The following NKAIN2 variants were observed in gnomAD, a reference collection of about 807,000 sequenced individuals.
NKAIN2 encodes the protein sodium/potassium transporting ATPase interacting 2.
In NKAIN2, 14 loss-of-function variants were observed where a neutral mutation model predicts 32.6. The ratio of observed to expected loss-of-function variants is 0.43; its 90% CI spans 0.28 to 0.67. The LOEUF (loss-of-function observed/expected upper bound fraction) is 0.67. NKAIN2 is among the 30% of genes least tolerant of loss of function. NKAIN2 has a pLI of 0.17. For synonymous variants in NKAIN2, 80 were observed against 87.2 expected (o/e 0.92, Z 0.46); for missense variants, 198 against 258.3 (o/e 0.77, Z 1.60).
intron 1 of NKAIN2, among the ~76,000 whole-genome samples, chr6:123,848,808 A>G (rs1271187071): frequency 6.6e-6 from 1 of 152,190 alleles, no homozygotes; most frequent in East Asian, 1.9e-4. Flanking sequence ...TCTCTTTAAT[A>G]TATTTCATAC....
At chr6:124,735,218 C>T (rs958924968) in intron 4 of NKAIN2, among the ~76,000 whole-genome samples, 10 of 151,948 alleles carry the variant, frequency 6.6e-5, no homozygotes, top group African/African-American at 2.4e-4. Context: ...TCTACTCTCT[C>T]ACCTCTGTAG....
chr6:124,212,905 G>A (rs2114666795), intron 1 of NKAIN2, among the ~76,000 whole-genome samples: 1 of 152,190 alleles, frequency 6.6e-6, no homozygotes, highest in East Asian at 1.9e-4. Flanking sequence ...GGAATGAAGA[G>A]CACAAAAATC....
intron 1 of NKAIN2, among the ~76,000 whole-genome samples, chr6:124,229,821 A>C (rs1359063254): frequency 6.6e-6 from 1 of 152,174 alleles, no homozygotes; most frequent in East Asian, 1.9e-4. Flanking sequence ...CCTCCCAGCC[A>C]CGTGGAACTG....
At chr6:124,437,872 A>ATTTTTTT (rs374033234) in intron 3 of NKAIN2, 30 of 344,322 alleles carry the variant, frequency 8.7e-5, no homozygotes, top group East Asian at 2.7e-4. Flanking sequence ...TGATCTATTG[A>ATTTTTTT]TTTTTTTTTT....
At chr6:123,968,929 A>C (rs1778211460) in intron 1 of NKAIN2, among the ~76,000 whole-genome samples, 1 of 151,782 alleles carries the variant, frequency 6.6e-6, no homozygotes, top group South Asian at 2.1e-4. Context: ...GCTGGCCTGG[A>C]CCCCCTCCTC....
chr6:124,099,200 TG>T (rs1442771871), intron 1 of NKAIN2, among the ~76,000 whole-genome samples: 1 of 152,180 alleles, frequency 6.6e-6, no homozygotes, highest in African/African-American at 2.4e-5. Flanking sequence ...GATAATTGGT[TG>T]ATTATCTAAT....
intron 3 of NKAIN2, among the ~76,000 whole-genome samples, chr6:124,520,561 G>C (rs1375474029): frequency 6.6e-6 from 1 of 152,166 alleles, no homozygotes; most frequent in Non-Finnish European, 1.5e-5. Flanking sequence ...TGACAGTGGA[G>C]AGCAAGACCT....
At chr6:124,661,487 C>A (rs1269346841) in intron 4 of NKAIN2, among the ~76,000 whole-genome samples, 2 of 152,214 alleles carry the variant, frequency 1.3e-5, no homozygotes, top group Non-Finnish European at 2.9e-5. Context: ...TGCCAATCAA[C>A]TCCTGGCTGA....
At chr6:124,357,891 A>G (rs1799064028) in intron 3 of NKAIN2, among the ~76,000 whole-genome samples, 1 of 151,838 alleles carries the variant, frequency 6.6e-6, no homozygotes, top group Admixed American at 6.6e-5. Context: ...TCGTCATTTA[A>G]CATTAGGTAT....
intron 1 of NKAIN2, among the ~76,000 whole-genome samples, chr6:123,976,822 AT>A (rs2114654052): frequency 6.6e-6 from 1 of 152,318 alleles, no homozygotes; most frequent in South Asian, 2.1e-4. Context: ...AGTGTACAAA[AT>A]TGTGAACTTT....
At chr6:124,649,807 G>T (rs1352535910) in intron 3 of NKAIN2, among the ~76,000 whole-genome samples, 1 of 152,170 alleles carries the variant, frequency 6.6e-6, no homozygotes, top group African/African-American at 2.4e-5. Flanking sequence ...GGTATGCAAA[G>T]CTGGTTCAAA....
intron 1 of NKAIN2, among the ~76,000 whole-genome samples, chr6:123,921,429 G>C (rs1243201822): frequency 6.6e-6 from 1 of 152,110 alleles, no homozygotes; most frequent in Non-Finnish European, 1.5e-5. Context: ...CATTCCCTCA[G>C]TCATAGAGTA....
At chr6:124,236,200 T>G (rs549309409) in intron 1 of NKAIN2, among the ~76,000 whole-genome samples, 3 of 152,214 alleles carry the variant, frequency 2.0e-5, no homozygotes, top group Admixed American at 2.0e-4. Context: ...CAAGGCAGTA[T>G]GCTATGTGAT....
rs540185373 is a variant in NKAIN2 at position 123,852,821 on chromosome 6, A to G, written c.54+48567A>G. On this transcript the variant is annotated intron_variant, in intron 1 of 6. Coordinates refer to ENST00000368417, the MANE Select transcript of NKAIN2 (RefSeq NM_001040214.3). ...TTCTTATCCCTTCCTGAACTTTACT[A>G]TAAACACACATTGCCACAGAAAATC... Among the ~76,000 whole-genome samples, 31 of 152,320 alleles carry G rather than the reference A, an allele frequency of 2.0e-4. 1 individual carries two copies. Among genetic ancestry groups the G allele is most frequent in the East Asian group, 9.6e-4 (5 of 5,182 alleles).
At chr6:124,298,173 TAAA>T (rs1227779096) in intron 2 of NKAIN2, among the ~76,000 whole-genome samples, 1 of 152,050 alleles carries the variant, frequency 6.6e-6, no homozygotes, top group Non-Finnish European at 1.5e-5. Context: ...AACTAAGAGA[TAAA>T]AAAAATTACT....
At chr6:124,221,264 G>A (rs1415551701) in intron 1 of NKAIN2, among the ~76,000 whole-genome samples, 5 of 151,840 alleles carry the variant, frequency 3.3e-5, no homozygotes, top group African/African-American at 7.3e-5. Flanking sequence ...TAGGGACATG[G>A]ATGAAATTGG....
rs74602338 is a variant in NKAIN2, at chr6:124,690,209, A to G, written c.474+31823A>G. 5.0e-3 allele frequency among the ~76,000 whole-genome samples: 767 copies of G among 152,206 alleles called. 28 individuals carry two copies. The East Asian group carries it at 0.08, about 16-fold the overall frequency. On this transcript the variant is annotated intron_variant, in intron 4 of 6. Transcript: ENST00000368417. Reference sequence around the variant, plus strand: ...TATGTATTTCATTTTTGTGGTGCCAATGTGAATACTATTGTGCTTTTAATT... The same window carrying G: ...TATGTATTTCATTTTTGTGGTGCCAGTGTGAATACTATTGTGCTTTTAATT...
intron 3 of NKAIN2, among the ~76,000 whole-genome samples, chr6:124,472,989 T>C (rs594126): frequency 0.034 from 5,208 of 152,278 alleles, 99 homozygotes; most frequent in Non-Finnish European, 0.05. Context: ...CGCTGGAGAA[T>C]AGCAGGACTC....
At chr6:124,321,205 A>T (rs187696566) in intron 2 of NKAIN2, among the ~76,000 whole-genome samples, 13 of 152,284 alleles carry the variant, frequency 8.5e-5, no homozygotes, top group African/African-American at 2.9e-4. Context: ...TGATTACTTT[A>T]AAATCCCCAT....
Sources: allele counts gnomAD v4.1 joint callset (sites outside exome capture counted in the v4.1 genomes callset), GRCh38; gene constraint gnomAD v4.1.1; transcripts MANE v1.5; gene names NCBI Gene and HGNC (gene_info 2026-07-23, HGNC 2026-07-21).